Variants in ABCC1 observed in about 807,000 individuals in gnomAD.
ABCC1 encodes ATP binding cassette subfamily C member 1 (ABCC1 blood group).
Under a neutral mutation model 172.9 loss-of-function variants are expected in ABCC1, and 83 were observed. The observed-to-expected ratio is 0.48, with a 90% CI of 0.40 to 0.58. ABCC1 has a LOEUF of 0.58. Ranked by LOEUF, ABCC1 falls within the 20% of genes least tolerant of loss-of-function variation. The pLI is 0.00. For synonymous variants in ABCC1, 937 were observed against 825.2 expected, an observed-to-expected ratio of 1.14 and a Z score of -2.32; for missense variants, 1,817 against 2,002.7, an observed-to-expected ratio of 0.91 and a Z score of 1.77.
At chr16:15,992,322 T>C (rs2046895593) in intron 1 of ABCC1, among the ~76,000 whole-genome samples, 2 of 152,144 alleles carry the variant, frequency 1.3e-5, no homozygotes, top group African/African-American at 2.4e-5. Flanking sequence ...ATAAATGTAA[T>C]GCACTCGAAT....
chr16:16,131,757 T>G (rs771464025), intron 26 of ABCC1, 32 bp from the exon 27 acceptor site: 1 of 1,606,592 alleles, frequency 6.2e-7, no homozygotes, highest in South Asian at 1.1e-5. Context: ...GGACTGGAAA[T>G]TCCTTACTCT....
At chr16:15,997,284 G>T (rs2047090957) in intron 1 of ABCC1, among the ~76,000 whole-genome samples, 3 of 152,050 alleles carry the variant, frequency 2.0e-5, no homozygotes, top group Non-Finnish European at 4.4e-5. Context: ...GTAGAGACGG[G>T]GTTTCACCAT....
chr16:15,971,400 C>A (rs893244840), intron 1 of ABCC1, among the ~76,000 whole-genome samples: 20 of 152,210 alleles, frequency 1.3e-4, no homozygotes, highest in Admixed American at 3.3e-4. Flanking sequence ...TTTCTAATGG[C>A]TTGCATTTGC....
At chr16:16,069,211 A>AATAT (rs1555492728) in intron 13 of ABCC1, among the ~76,000 whole-genome samples, 4,348 of 127,474 alleles carry the variant, frequency 0.034, 115 homozygotes, top group African/African-American at 0.046. Flanking sequence ...TAAATAAATA[A>AATAT]ATATGTTTGA....
intron 1 of ABCC1, among the ~76,000 whole-genome samples, chr16:15,968,021 C>G (rs1354048295): frequency 1.3e-5 from 2 of 152,078 alleles, no homozygotes; most frequent in Non-Finnish European, 2.9e-5. Flanking sequence ...AAAATCCCTT[C>G]TAGAGATAAT....
At chr16:15,999,769 TTCTCTCTCTCTCTCTCTCTC>T (rs1228532784) in intron 1 of ABCC1, among the ~76,000 whole-genome samples, 1 of 25,360 alleles carries the variant, frequency 3.9e-5, no homozygotes, top group South Asian at 2.0e-3. Flanking sequence ...CCCGGCCTCT[TTCTCTCTCTCTCTCTCTCTC>T]TCTCTCTCTC....
At chr16:16,104,943 G>A (rs2052003984) in intron 20 of ABCC1, among the ~76,000 whole-genome samples, 1 of 152,134 alleles carries the variant, frequency 6.6e-6, no homozygotes, top group African/African-American at 2.4e-5. Context: ...CCGAGCCGAC[G>A]CCCACCCAGA....
At chr16:16,088,748 G>A (rs1229948178) in intron 18 of ABCC1, among the ~76,000 whole-genome samples, 3 of 149,926 alleles carry the variant, frequency 2.0e-5, no homozygotes, top group Middle Eastern at 3.4e-3. Flanking sequence ...TTCCTCTGTT[G>A]TCCAGGCTGG....
rs1387108917 is a variant in ABCC1, at chr16:16,030,560, GT to G, written c.616-2546del. On this transcript the variant is annotated intron_variant, in intron 5 of 30. Transcript: ENST00000399410. Reference sequence around the variant, plus strand: ...ACAAAACAAAAACCTTGCTTGGTATGTTTCAGCCTGTTGTACTTATTCTCCT... The same window carrying G: ...ACAAAACAAAAACCTTGCTTGGTATGTTCAGCCTGTTGTACTTATTCTCCT... Among the ~76,000 whole-genome samples the G allele has an allele frequency of 2.0e-5, 3 of 152,082 alleles. No individual in the cohort carries two copies. In the East Asian group the frequency reaches 5.8e-4, roughly 29 times the overall value.
intron 1 of ABCC1, among the ~76,000 whole-genome samples, chr16:15,978,366 T>TCAAACAAA (rs111918364): frequency 6.6e-6 from 1 of 151,948 alleles, no homozygotes; most frequent in Non-Finnish European, 1.5e-5. Flanking sequence ...AAACCCCATC[T>TCAAACAAA]CAAACAAACA....
intron 19 of ABCC1, among the ~76,000 whole-genome samples, chr16:16,092,398 C>T (rs1174047555): frequency 6.6e-6 from 1 of 152,204 alleles, no homozygotes; most frequent in Non-Finnish European, 1.5e-5. Flanking sequence ...TTCCCCAGCA[C>T]CTCCGAAGCC....
intron 10 of ABCC1, among the ~76,000 whole-genome samples, chr16:16,050,233 G>A (rs973049992): frequency 3.3e-5 from 5 of 152,146 alleles, no homozygotes; most frequent in African/African-American, 1.2e-4. Flanking sequence ...GGGAGGCCAA[G>A]GCGGGTGGAT....
At chr16:15,999,769 T>TCTCTCTCTCTCTCTCTCTCTCTCTCTC in intron 1 of ABCC1, among the ~76,000 whole-genome samples, 1 of 25,364 alleles carries the variant, frequency 3.9e-5, no homozygotes, top group African/African-American at 1.1e-4. Flanking sequence ...CCCGGCCTCT[T>TCTCTCTCTCTCTCTCTCTCTCTCTCTC]TCTCTCTCTC....
At chr16:16,010,174 G>C (rs1054652144) in intron 3 of ABCC1, among the ~76,000 whole-genome samples, 2 of 149,192 alleles carry the variant, frequency 1.3e-5, no homozygotes, top group African/African-American at 2.5e-5. Flanking sequence ...CTTCTGAGTA[G>C]TTGGGACTAC....
intron 3 of ABCC1, among the ~76,000 whole-genome samples, chr16:16,013,773 C>T (rs2047887322): frequency 6.6e-6 from 1 of 152,054 alleles, no homozygotes; most frequent in Non-Finnish European, 1.5e-5. Flanking sequence ...GAGGTGAAGC[C>T]TGAGAATGAG....
intron 5 of ABCC1, among the ~76,000 whole-genome samples, chr16:16,032,465 G>A (rs941991734): frequency 1.1e-4 from 16 of 152,186 alleles, no homozygotes; most frequent in African/African-American, 3.6e-4. Context: ...GGTCATTTCT[G>A]TTTGTTTAGA....
intron 26 of ABCC1, among the ~76,000 whole-genome samples, chr16:16,130,511 A>C (rs148363258): frequency 6.6e-6 from 1 of 151,512 alleles, no homozygotes; most frequent in East Asian, 1.9e-4. Flanking sequence ...TAGATTTTAC[A>C]AAATCACTTT....
intron 14 of ABCC1, among the ~76,000 whole-genome samples, chr16:16,073,759 AAAAC>A (rs777930795): frequency 1.3e-4 from 20 of 152,340 alleles, no homozygotes; most frequent in Non-Finnish European, 2.2e-4. Context: ...CCTGTCTCAA[AAAAC>A]AAACAAACAA....
At chr16:16,064,204 A>T (rs1208390562) in intron 12 of ABCC1, among the ~76,000 whole-genome samples, 1 of 152,168 alleles carries the variant, frequency 6.6e-6, no homozygotes. Flanking sequence ...CCTAGGGGAC[A>T]GGTGCTCCTC....
Sources: gnomAD v4.1 joint callset for allele counts (sites outside exome capture counted in the v4.1 genomes callset) on GRCh38, gnomAD v4.1.1 for gene constraint, MANE v1.5 for transcripts, NCBI Gene and HGNC (gene_info 2026-07-23, HGNC 2026-07-21) for gene names.